ELAPOR2: variants seen among roughly 807,000 people sequenced by gnomAD.
The protein encoded by ELAPOR2 is endosome/lysosome-associated apoptosis and autophagy regulator family member 2.
A neutral mutation model predicts 120.7 loss-of-function variants in ELAPOR2; 89 were observed. The observed-to-expected ratio is 0.74, with a 90% confidence interval of 0.62 to 0.88. The LOEUF (loss-of-function observed/expected upper bound fraction) is 0.88. ELAPOR2 is among the 40% of genes least tolerant of loss of function. The pLI, the probability that ELAPOR2 is intolerant of heterozygous loss-of-function variation, is 0.00. For synonymous variants in ELAPOR2, 444 were observed against 444.9 expected (o/e 1.00, Z 0.03); for missense variants, 1,134 against 1,251.6 (o/e 0.91, Z 1.42).
chr7:86,939,899 T>A, intron 6 of ELAPOR2, 111 bp downstream of exon 6: 1 of 559,168 alleles, frequency 1.8e-6, no homozygotes, highest in South Asian at 3.5e-5. Context: ...CCCTAACATA[T>A]TAATTTCTGT....
chr7:86,891,591 G>GT, intron 21 of ELAPOR2, 133 bp downstream of exon 21: 1 of 663,488 alleles, frequency 1.5e-6, no homozygotes, highest in Non-Finnish European at 2.5e-6. Context: ...GCTTCTAAGA[G>GT]TATTTCTGTT....
At chr7:86,972,372 A>C (rs1792134721) in intron 1 of ELAPOR2, among the ~76,000 whole-genome samples, 1 of 152,102 alleles carries the variant, frequency 6.6e-6, no homozygotes, top group Non-Finnish European at 1.5e-5. Context: ...CTTTGTTCTC[A>C]GGAATGCAAC....
chr7:86,982,477 AGCAATATTTGCTGTTCT>A lies in ELAPOR2; in HGVS notation c.190-17470_190-17454del, dbSNP rs1424175996. Reference sequence around the variant, plus strand: ...GAAGCTTCCAGAGGAAGGATCAGGCAGCAATATTTGCTGTTCTGCAATATTTGCTGTTCTGCAGCCTC... The same window carrying A: ...GAAGCTTCCAGAGGAAGGATCAGGCAGCAATATTTGCTGTTCTGCAGCCTC... On this transcript the variant is annotated intron_variant, in intron 1 of 21. Transcript: ENST00000450689. Among the ~76,000 whole-genome samples the A allele has an allele frequency of 1.2e-4, 19 of 152,232 alleles. No individual in the cohort carries two copies. The East Asian group carries it at 2.3e-3, about 19-fold the overall frequency.
chr7:87,049,218 G>T (rs1293610521), intron 1 of ELAPOR2, among the ~76,000 whole-genome samples: 1 of 151,996 alleles, frequency 6.6e-6, no homozygotes, highest in Non-Finnish European at 1.5e-5. Context: ...GATGCTAAAA[G>T]GACTATAGAG....
chr7:87,059,125 CGA>C (rs1795353265), intron 1 of ELAPOR2, among the ~76,000 whole-genome samples, 198 bp downstream of exon 1: 1 of 152,026 alleles, frequency 6.6e-6, no homozygotes, highest in Admixed American at 6.6e-5. Context: ...AAGCATCCCC[CGA>C]GAGACAGCGA....
chr7:86,944,135 A>G (rs890219851), intron 4 of ELAPOR2, among the ~76,000 whole-genome samples: 1 of 152,106 alleles, frequency 6.6e-6, no homozygotes, highest in African/African-American at 2.4e-5. Context: ...ATTTTTCAAG[A>G]TAGTCTCCCA....
At chr7:86,941,427 G>A in intron 5 of ELAPOR2, 1 of 516,122 alleles carries the variant, frequency 1.9e-6, no homozygotes, top group South Asian at 1.4e-5. Flanking sequence ...TGTAACCAGA[G>A]AAGGTAGAAT....
At position 86,947,771 on chromosome 7, in the gene ELAPOR2, G is replaced by C; in HGVS notation, c.462C>G (p.Asp154Glu). ...TGCTGTCAGAAGGGCCCACCACAGTGTCCATGAATGTTGCGATGTTAGAAA... is the reference window on the plus strand; with the variant it reads ...TGCTGTCAGAAGGGCCCACCACAGTCTCCATGAATGTTGCGATGTTAGAAA... ...AGFSNIATFM[D>E]TVVGPSDSRP... Residue 154 changes from aspartate (D) to glutamate (E), a missense_variant, in exon 3 of 22, where the codon GAC becomes GAG. Physicochemically the swap from Asp to Glu is conservative, Grantham distance 45. Coordinates refer to ENST00000450689, the MANE Select transcript of ELAPOR2 (RefSeq NM_001142749.3). The C allele has an allele frequency of 6.4e-7, 1 of 1,551,712 alleles. No individual in the cohort carries two copies.
At chr7:87,015,844 T>C (rs1434596527) in intron 1 of ELAPOR2, among the ~76,000 whole-genome samples, 2 of 152,198 alleles carry the variant, frequency 1.3e-5, no homozygotes, top group African/African-American at 4.8e-5. Context: ...ATGATAATGA[T>C]ATTCCTGTAT....
intron 8 of ELAPOR2, among the ~76,000 whole-genome samples, chr7:86,934,928 C>A (rs1006719228): frequency 1.3e-5 from 2 of 151,960 alleles, no homozygotes; most frequent in African/African-American, 4.8e-5. Context: ...TCAACCATCA[C>A]ATTTTGTGAA....
At chr7:87,040,296 G>A (rs1283270452) in intron 1 of ELAPOR2, among the ~76,000 whole-genome samples, 2 of 152,270 alleles carry the variant, frequency 1.3e-5, no homozygotes, top group African/African-American at 2.4e-5. Context: ...GCCTGCCTCT[G>A]CAGGCTCCAC....
In ELAPOR2 at chr7:86,907,772, C is replaced by T; in HGVS notation, c.2457-1G>A. ...ACAAGATGTTGTTGCTGTAGAAGAC[C>T]TATTGTAAGCCAAATAACATTTTTA... is the stretch of plus-strand genomic sequence containing the variant. On this transcript the variant is annotated splice_acceptor_variant, in intron 17 of 21. Transcript: ENST00000450689. LOFTEE classifies it high-confidence loss of function. 1 of 1,522,256 alleles carries T rather than the reference C, an allele frequency of 6.6e-7. No homozygotes were observed. Among genetic ancestry groups the T allele is most frequent in the Non-Finnish European group, 8.8e-7 (1 of 1,138,684 alleles). 94.3% of individuals were successfully genotyped at this position (1,522,256 alleles called of 1,614,324 possible).
chr7:87,027,903 A>G (rs1437077781), intron 1 of ELAPOR2, among the ~76,000 whole-genome samples: 1 of 152,170 alleles, frequency 6.6e-6, no homozygotes, highest in Admixed American at 6.6e-5. Flanking sequence ...GGGAAAAGTC[A>G]TGTGCTGTAA....
At position 86,919,329 on chromosome 7, in the gene ELAPOR2, A is replaced by G. The variant is rs1047618327; in HGVS notation, c.1400-19T>C. 6.9e-6 allele frequency: 10 copies of G among 1,459,154 alleles called. No homozygotes were observed. Among genetic ancestry groups the G allele is most frequent in the Non-Finnish European group, 9.4e-6 (10 of 1,058,924 alleles). The allele number at this position is 1,459,154 out of a possible 1,614,324, so 90.4% of individuals were successfully genotyped here. On this transcript the variant is annotated intron_variant, in intron 10 of 21. Transcript: ENST00000450689. ...TCCCAACCTAGAAGTAATAAAAGTC[A>G]TTTTTATTAATAAAAATTCCATTAA...
intron 8 of ELAPOR2, among the ~76,000 whole-genome samples, chr7:86,928,569 T>A (rs1324603436): frequency 1.3e-5 from 2 of 151,944 alleles, no homozygotes; most frequent in Non-Finnish European, 2.9e-5. Flanking sequence ...GGTATTGCTA[T>A]CCTCAAGTTT....
At chr7:86,958,229 T>C (rs1353257369) in intron 2 of ELAPOR2, among the ~76,000 whole-genome samples, 2 of 152,148 alleles carry the variant, frequency 1.3e-5, no homozygotes, top group Admixed American at 6.5e-5. Flanking sequence ...TTGTTTTAGT[T>C]TCCTAATCTG....
chr7:87,020,953 T>C (rs945289788), intron 1 of ELAPOR2, among the ~76,000 whole-genome samples: 1 of 152,114 alleles, frequency 6.6e-6, no homozygotes, highest in African/African-American at 2.4e-5. Context: ...AATAATAAAG[T>C]CTAACATTAA....
intron 2 of ELAPOR2, among the ~76,000 whole-genome samples, chr7:86,964,543 T>G (rs1283681335): frequency 6.6e-6 from 1 of 152,132 alleles, no homozygotes; most frequent in African/African-American, 2.4e-5. Context: ...AACTAGACAC[T>G]TAGAAATGGT....
chr7:86,906,196 A>G (rs1789005323), intron 18 of ELAPOR2, among the ~76,000 whole-genome samples: 1 of 152,140 alleles, frequency 6.6e-6, no homozygotes, highest in African/African-American at 2.4e-5. Flanking sequence ...GTATGATGGC[A>G]TATTAGAAAA....
Sources: allele counts gnomAD v4.1 joint callset (sites outside exome capture counted in the v4.1 genomes callset), GRCh38; gene constraint gnomAD v4.1.1; transcripts MANE v1.5; gene names NCBI Gene and HGNC (gene_info 2026-07-23, HGNC 2026-07-21).